LARP6: variants seen among roughly 807,000 people sequenced by gnomAD.
The protein encoded by LARP6 is la-related protein 6.
Under a neutral mutation model 32.8 loss-of-function variants are expected in LARP6, and 18 were observed. The observed-to-expected ratio is 0.55, with a 90% CI of 0.38 to 0.81. The LOEUF (loss-of-function observed/expected upper bound fraction) is 0.81, where lower values mean the gene tolerates loss of function less well. Ranked by LOEUF, LARP6 falls within the 40% of genes least tolerant of loss-of-function variation. The pLI, the probability that LARP6 is intolerant of heterozygous loss-of-function variation, is 0.00. For synonymous variants in LARP6, 289 were observed against 267.2 expected, an observed-to-expected ratio of 1.08 and a Z score of -0.80; for missense variants, 598 against 663.1, an observed-to-expected ratio of 0.90 and a Z score of 1.08.
Position 70,854,002 on chromosome 15 carries a change from G to T in LARP6, c.87C>A (p.Asp29Glu). The T allele has an allele frequency of 2.0e-6, 3 of 1,463,854 alleles. No individual in the cohort carries two copies. The highest frequency in any genetic ancestry group is 6.1e-5 in the East Asian group (2 of 32,764). 90.7% of individuals were successfully genotyped at this position (1,463,854 alleles called of 1,614,324 possible). ...CCCCCTCCTCCTCGTCCTCCAACTC[G>T]TCCACGTCCTCGGCCTCCTGGATGG... ...RVAIQEAEDVDELEDEEEGAE... is the reference protein window; with the variant it reads ...RVAIQEAEDVEELEDEEEGAE... The change falls in exon 1 of 3, where the codon GAC (aspartate) becomes GAA (glutamate). Residue 29 changes from aspartate to glutamate, a missense_variant. Asp to Glu is a conservative substitution (Grantham distance 45). Coordinates refer to ENST00000299213, the MANE Select transcript of LARP6 (RefSeq NM_018357.4).
chr15:70,851,345 G>T, intron 1 of LARP6: 1 of 654,152 alleles, frequency 1.5e-6, no homozygotes, highest in Non-Finnish European at 2.0e-6. Context: ...CTTTATGTTT[G>T]AAAATTTTTA....
At chr15:70,846,425 G>A (rs894165238) in intron 1 of LARP6, among the ~76,000 whole-genome samples, 4 of 152,056 alleles carry the variant, frequency 2.6e-5, no homozygotes, top group Non-Finnish European at 4.4e-5. Context: ...CTTGGGCAAC[G>A]TAGCAAGACC....
intron 2 of LARP6, among the ~76,000 whole-genome samples, chr15:70,834,124 A>T (rs2032105310): frequency 6.6e-6 from 1 of 152,168 alleles, no homozygotes; most frequent in African/African-American, 2.4e-5. Context: ...TCTGCAAAAG[A>T]ACTGGGAACT....
intron 1 of LARP6, chr15:70,849,777 G>A (rs1684437568): frequency 6.6e-6 from 1 of 152,172 alleles, no homozygotes; most frequent in African/African-American, 2.4e-5. Context: ...AAGAGTATAA[G>A]CTTGAGGAAG....
chr15:70,836,370 G>A lies in LARP6; in HGVS notation c.336C>T (p.Asp112=), dbSNP rs774722455. 4.6e-5 allele frequency: 74 copies of A among 1,613,920 alleles called. No individual in the cohort carries two copies. The highest frequency in any genetic ancestry group is 5.9e-5 in the Non-Finnish European group (70 of 1,179,990). The stretch of plus-strand genomic sequence containing the variant: ...TCCTCACGTGTTTTAGCAAAAAGGC[G>A]TCCTTCTCCAGGTTTTCATCAGAAA... ...FYFSDENLEK[D]AFLLKHVRRN... is the part of the protein sequence containing the mutation. Residue 112 remains aspartate (D), a synonymous_variant, in exon 2 of 3, where the codon GAC becomes GAT. Coordinates refer to ENST00000299213, the MANE Select transcript of LARP6 (RefSeq NM_018357.4).
intron 1 of LARP6, among the ~76,000 whole-genome samples, chr15:70,837,575 A>G (rs1477593062): frequency 1.3e-5 from 2 of 152,178 alleles, no homozygotes; most frequent in East Asian, 3.9e-4. Flanking sequence ...CATATTTATT[A>G]AAGAATAAAA....
intron 1 of LARP6, among the ~76,000 whole-genome samples, chr15:70,839,237 G>A (rs1424261864): frequency 6.6e-6 from 1 of 152,008 alleles, no homozygotes. Context: ...TCAGAAGATC[G>A]AGACCAGCCT....
chr15:70,848,312 G>A (rs1470839600), intron 1 of LARP6, among the ~76,000 whole-genome samples: 1 of 152,172 alleles, frequency 6.6e-6, no homozygotes, highest in African/African-American at 2.4e-5. Flanking sequence ...ATAAGCCTTT[G>A]AGCCTGGGAA....
At position 70,832,917 on chromosome 15, in the gene LARP6, T is replaced by C; in HGVS notation, c.611A>G (p.Gln204Arg). The C allele has an allele frequency of 3.1e-6, 5 of 1,602,786 alleles. No homozygotes were observed. The highest frequency in any genetic ancestry group is 4.3e-6 in the Non-Finnish European group (5 of 1,174,944). ...CTTCTCTTGCACCCTTCCATTCTTC[T>C]GGGGGGTGGCCAGAGCCCACAGCTT... ...SPKLWALATP[Q>R]KNGRVQEKVM... Residue 204 changes from glutamine to arginine, a missense_variant, in exon 3 of 3, where the codon CAG (glutamine) becomes CGG (arginine). Physicochemically the swap from Gln to Arg is conservative, Grantham distance 43. Around this residue, in one of 3 missense-constraint regions of LARP6, gnomAD observed 368 missense variants for 397.9 expected, o/e 0.92. Transcript: ENST00000299213.
intron 1 of LARP6, among the ~76,000 whole-genome samples, chr15:70,841,258 C>G (rs549924665): frequency 6.6e-6 from 1 of 152,314 alleles, no homozygotes; most frequent in South Asian, 2.1e-4. Context: ...TCCAGAGCTT[C>G]CCAATCTTCC....
At chr15:70,852,095 C>T (rs923827637) in intron 1 of LARP6, 10 of 351,082 alleles carry the variant, frequency 2.8e-5, no homozygotes, top group Admixed American at 7.7e-5. Context: ...GCTCCAGGAG[C>T]TGAGAACATT....
intron 2 of LARP6, among the ~76,000 whole-genome samples, chr15:70,833,650 A>T (rs2032096135): frequency 2.0e-5 from 3 of 152,248 alleles, no homozygotes; most frequent in Admixed American, 2.0e-4. Flanking sequence ...GCTCACAGTG[A>T]GTACTAAGTA....
chr15:70,831,828 A>G lies in LARP6; in HGVS notation c.*224T>C. On this transcript the variant is annotated 3_prime_UTR_variant, in exon 3 of 3. Transcript: ENST00000299213. The stretch of plus-strand genomic sequence containing the variant: ...CACTCACACACATCAGCCATCATCA[A>G]AATAGTGGCCATGCTGGGAAGAACA... The G allele has an allele frequency of 2.6e-6, 1 of 377,934 alleles. No homozygotes were observed. The highest frequency in any genetic ancestry group is 4.7e-6 in the Non-Finnish European group (1 of 213,014). The allele number at this position is 377,934 out of a possible 1,614,324, so 23.4% of individuals were successfully genotyped here.
intron 1 of LARP6, among the ~76,000 whole-genome samples, chr15:70,840,471 C>T (rs149719618): frequency 0.074 from 11,262 of 152,120 alleles, 558 homozygotes; most frequent in Middle Eastern, 0.12. Flanking sequence ...ACCCGGCGGG[C>T]GGAGGTTGCA....
chr15:70,845,348 G>C (rs2032326752), intron 1 of LARP6, among the ~76,000 whole-genome samples: 1 of 152,144 alleles, frequency 6.6e-6, no homozygotes, highest in Non-Finnish European at 1.5e-5. Flanking sequence ...TGATGACCTT[G>C]ACAGTGTTAA....
intron 1 of LARP6, among the ~76,000 whole-genome samples, chr15:70,844,904 C>A (rs1232966193): frequency 1.3e-5 from 2 of 152,200 alleles, no homozygotes; most frequent in East Asian, 3.8e-4. Context: ...AACATCATCA[C>A]CTCTGTATCC....
In LARP6 at chr15:70,842,997, C is replaced by T. The variant is rs539742567; in HGVS notation, c.201-6492G>A. Among the ~76,000 whole-genome samples, 4 of 152,194 alleles carry T rather than the reference C, an allele frequency of 2.6e-5. No individual in the cohort carries two copies. In the South Asian group the frequency reaches 6.2e-4, roughly 24 times the overall value. ...ATAGCCTTCAAATGGGAAAAGATAC[C>T]ATATCTTTTATGAATATTAATTTTA... On this transcript the variant is annotated intron_variant, in intron 1 of 2. Coordinates refer to ENST00000299213, the MANE Select transcript of LARP6 (RefSeq NM_018357.4).
intron 1 of LARP6, among the ~76,000 whole-genome samples, chr15:70,848,422 A>C (rs973847836): frequency 2.0e-5 from 3 of 152,184 alleles, no homozygotes; most frequent in African/African-American, 7.2e-5. Context: ...ACATCTGACA[A>C]AAAAATTGAC....
In LARP6 at chr15:70,834,563, C is replaced by T. The variant is rs374482352; in HGVS notation, c.412-1447G>A. 8.5e-5 allele frequency among the ~76,000 whole-genome samples: 13 copies of T among 152,318 alleles called. No individual in the cohort carries two copies. In the South Asian group the frequency reaches 1.2e-3, roughly 15 times the overall value. On this transcript the variant is annotated intron_variant, in intron 2 of 2. Transcript: ENST00000299213. ...CTAAGCCTGAAGCTTGAGCTAGGAG[C>T]ACCTGGGAAAGCACAGCACTGCCTT...
Sources: gnomAD v4.1 joint callset for allele counts (sites outside exome capture counted in the v4.1 genomes callset) on GRCh38, gnomAD v4.1.1 for gene constraint, gnomAD v4.1.1 regional missense constraint, MANE v1.5 for transcripts, NCBI Gene and HGNC (gene_info 2026-07-23, HGNC 2026-07-21) for gene names.